MYRIP: variants seen among roughly 807,000 people sequenced by gnomAD.
MYRIP encodes myosin VIIA and Rab interacting protein.
A neutral mutation model predicts 98.0 loss-of-function variants in MYRIP; 49 were observed. The ratio of observed to expected loss-of-function variants is 0.50; its 90% CI spans 0.40 to 0.63. The LOEUF (loss-of-function observed/expected upper bound fraction) is 0.63, where lower values mean the gene tolerates loss of function less well. Ranked by LOEUF, MYRIP falls within the 30% of genes least tolerant of loss-of-function variation. The pLI is 0.00. For synonymous variants in MYRIP, 404 were observed against 409.5 expected (o/e 0.99, Z 0.16); for missense variants, 1,004 against 1,058.2 (o/e 0.95, Z 0.71).
intron 2 of MYRIP, among the ~76,000 whole-genome samples, chr3:39,945,011 C>T (rs915052251): frequency 6.6e-6 from 1 of 151,812 alleles, no homozygotes; most frequent in African/African-American, 2.4e-5. Flanking sequence ...CTATTAGTTT[C>T]CTAAGATCTT....
intron 3 of MYRIP, among the ~76,000 whole-genome samples, chr3:40,045,696 A>G (rs1305313219): frequency 6.6e-6 from 1 of 152,234 alleles, no homozygotes; most frequent in Non-Finnish European, 1.5e-5. Flanking sequence ...TTTGGGATGC[A>G]CACATTCAAG....
chr3:40,001,794 G>A (rs929486271), intron 2 of MYRIP, among the ~76,000 whole-genome samples: 2 of 152,222 alleles, frequency 1.3e-5, no homozygotes, highest in African/African-American at 4.8e-5. Context: ...ATTGCAATAA[G>A]AGATGATGGC....
At chr3:40,018,925 A>G (rs977837418) in intron 2 of MYRIP, among the ~76,000 whole-genome samples, 3 of 152,168 alleles carry the variant, frequency 2.0e-5, no homozygotes, top group East Asian at 3.9e-4. Flanking sequence ...GCTTCTCACT[A>G]CAATGAGCTC....
chr3:40,077,794 G>C (rs571061962), intron 3 of MYRIP, among the ~76,000 whole-genome samples: 10 of 152,388 alleles, frequency 6.6e-5, no homozygotes, highest in African/African-American at 2.4e-4. Flanking sequence ...CCCTGAGCTA[G>C]ACATAAAGGT....
At chr3:40,054,582 TA>T (rs1947847640) in intron 3 of MYRIP, among the ~76,000 whole-genome samples, 1 of 152,096 alleles carries the variant, frequency 6.6e-6, no homozygotes, top group Admixed American at 6.6e-5. Flanking sequence ...TCCAATCCAC[TA>T]AAGGCCTTAA....
intron 2 of MYRIP, among the ~76,000 whole-genome samples, chr3:39,987,271 TC>T (rs1379856779): frequency 6.6e-6 from 1 of 152,180 alleles, no homozygotes; most frequent in Non-Finnish European, 1.5e-5. Context: ...GGTTTTCTCT[TC>T]CTGTGTTAGT....
chr3:40,250,640 TC>T, intron 15 of MYRIP, 141 bp downstream of exon 15: 3 of 1,008,166 alleles, frequency 3.0e-6, no homozygotes, highest in Non-Finnish European at 2.9e-6. Context: ...TTGATTTGGG[TC>T]CCCCCAGAAG....
intron 1 of MYRIP, among the ~76,000 whole-genome samples, chr3:39,817,843 A>G (rs1420611731): frequency 6.6e-6 from 1 of 152,208 alleles, no homozygotes; most frequent in East Asian, 1.9e-4. Context: ...TTCCCTTAAA[A>G]TGTAATACTA....
At chr3:40,154,079 G>C (rs1020063323) in intron 4 of MYRIP, among the ~76,000 whole-genome samples, 2 of 151,712 alleles carry the variant, frequency 1.3e-5, no homozygotes, top group African/African-American at 4.8e-5. Context: ...GGCGGAGGTT[G>C]CAGTGAGCCG....
rs548124289 is a variant in MYRIP at position 39,893,133 on chromosome 3, G to T, written c.-30-7654G>T. 1.4e-4 allele frequency among the ~76,000 whole-genome samples: 21 copies of T among 152,236 alleles called. 1 individual carries two copies. The Middle Eastern group carries it at 0.017, about 123-fold the overall frequency. On this transcript the variant is annotated intron_variant, in intron 1 of 16. Transcript: ENST00000302541. ...CTTCTAGATTTTTGTAAATTGTGCA[G>T]TTTACATAAGGCCTGAGGCTGAACT...
intron 1 of MYRIP, among the ~76,000 whole-genome samples, chr3:39,828,877 T>C (rs1480922297): frequency 6.6e-6 from 1 of 152,232 alleles, no homozygotes; most frequent in Admixed American, 6.5e-5. Context: ...CACTCATTGA[T>C]TGATGGGCAT....
chr3:40,135,978 A>G (rs957574535), intron 3 of MYRIP, among the ~76,000 whole-genome samples: 3 of 152,258 alleles, frequency 2.0e-5, no homozygotes, highest in African/African-American at 7.2e-5. Flanking sequence ...GCATGAACTA[A>G]CGAGCAAAAT....
At chr3:39,942,972 T>C (rs1215588807) in intron 2 of MYRIP, among the ~76,000 whole-genome samples, 1 of 152,166 alleles carries the variant, frequency 6.6e-6, no homozygotes, top group Non-Finnish European at 1.5e-5. Flanking sequence ...TTTTAAAAAA[T>C]TAAATGAGAT....
chr3:40,012,297 T>C (rs1946775355), intron 2 of MYRIP, among the ~76,000 whole-genome samples: 2 of 152,234 alleles, frequency 1.3e-5, no homozygotes, highest in African/African-American at 2.4e-5. Flanking sequence ...GGCTTCAAAA[T>C]ATTAAAATTC....
chr3:40,207,083 T>G (rs770534777), intron 10 of MYRIP, among the ~76,000 whole-genome samples: 1 of 152,186 alleles, frequency 6.6e-6, no homozygotes, highest in South Asian at 2.1e-4. Context: ...ACTACAACAG[T>G]AGCAGAAAAT....
At chr3:40,183,843 C>A (rs1335615555) in intron 9 of MYRIP, among the ~76,000 whole-genome samples, 2 of 152,168 alleles carry the variant, frequency 1.3e-5, no homozygotes, top group African/African-American at 4.8e-5. Flanking sequence ...AAAGATTGTG[C>A]TATTATTTCT....
intron 1 of MYRIP, among the ~76,000 whole-genome samples, chr3:39,897,610 C>T (rs777867506): frequency 7.9e-5 from 12 of 152,112 alleles, no homozygotes; most frequent in Non-Finnish European, 1.8e-4. Flanking sequence ...ATTTTCTCAT[C>T]CTTAAATGAG....
chr3:40,144,595 G>A (rs1363560654), intron 3 of MYRIP, among the ~76,000 whole-genome samples: 2 of 152,206 alleles, frequency 1.3e-5, no homozygotes, highest in African/African-American at 4.8e-5. Flanking sequence ...GGAAGGAGGA[G>A]CCTGGAGAAC....
chr3:39,842,249 G>T (rs144404592), intron 1 of MYRIP, among the ~76,000 whole-genome samples: 127 of 152,218 alleles, frequency 8.3e-4, no homozygotes, highest in Non-Finnish European at 1.6e-3. Flanking sequence ...AGGTGGCTTC[G>T]TTTATACTGT....
Sources: gnomAD v4.1 joint callset for allele counts (sites outside exome capture counted in the v4.1 genomes callset) on GRCh38, gnomAD v4.1.1 for gene constraint, MANE v1.5 for transcripts, NCBI Gene and HGNC (gene_info 2026-07-23, HGNC 2026-07-21) for gene names.